Variants in MEGF11 observed in about 807,000 individuals in gnomAD.
MEGF11 encodes multiple EGF like domains 11, also known as multiple epidermal growth factor-like domains protein 11.
In MEGF11, 126 loss-of-function variants were observed where a neutral mutation model predicts 146.6. That is an observed-to-expected ratio of 0.86 (90% CI 0.74 to 1.00). The LOEUF (loss-of-function observed/expected upper bound fraction) is 1.00. MEGF11 is among the 50% of genes least tolerant of loss of function. MEGF11 has a pLI of 0.00. For missense variants in MEGF11, 1,509 were observed against 1,521.2 expected (o/e 0.99, Z 0.13); for synonymous variants, 532 against 583.4 (o/e 0.91, Z 1.27).
chr15:66,172,788 C>G (rs890926133), intron 1 of MEGF11, among the ~76,000 whole-genome samples: 2 of 152,232 alleles, frequency 1.3e-5, no homozygotes, highest in Non-Finnish European at 2.9e-5. Flanking sequence ...TGACCAATAC[C>G]TCTCATTTTA....
chr15:65,984,986 C>G (rs1429178799), intron 5 of MEGF11, among the ~76,000 whole-genome samples: 2 of 152,032 alleles, frequency 1.3e-5, no homozygotes, highest in Non-Finnish European at 2.9e-5. Flanking sequence ...CCGGGTTGGT[C>G]TCAAACTCTT....
intron 5 of MEGF11, among the ~76,000 whole-genome samples, chr15:66,035,853 A>G (rs920358944): frequency 2.0e-5 from 3 of 152,292 alleles, no homozygotes; most frequent in East Asian, 3.9e-4. Context: ...TATATCCACT[A>G]TCAATATATA....
intron 8 of MEGF11, among the ~76,000 whole-genome samples, chr15:65,969,329 G>A (rs1437096517): frequency 2.0e-5 from 3 of 152,304 alleles, no homozygotes; most frequent in Admixed American, 2.0e-4. Flanking sequence ...ATTCCAGTCC[G>A]TACTGGCTCA....
intron 5 of MEGF11, among the ~76,000 whole-genome samples, chr15:66,026,544 C>T (rs528045349): frequency 3.9e-5 from 6 of 152,232 alleles, no homozygotes; most frequent in East Asian, 3.9e-4. Context: ...AGTGCAGTGG[C>T]GCGATCTTGG....
chr15:66,041,911 G>A (rs983553635), intron 5 of MEGF11, among the ~76,000 whole-genome samples: 5 of 152,054 alleles, frequency 3.3e-5, no homozygotes, highest in African/African-American at 9.7e-5. Flanking sequence ...CTAAACCAGG[G>A]TCAGCCTGAG....
In MEGF11 at chr15:66,226,766, C is replaced by T. The variant is rs187163352; in HGVS notation, c.-9+26839G>A. On this transcript the variant is annotated intron_variant, in intron 1 of 25. Coordinates refer to ENST00000395614, the MANE Select transcript of MEGF11 (RefSeq NM_001385028.1). ...CTGGGGGGGCTTGGAACATGTCCTC[C>T]GAGAATAAGGGGTGACTGCTGTATA... Among the ~76,000 whole-genome samples the T allele has an allele frequency of 1.8e-4, 28 of 152,196 alleles. No individual in the cohort carries two copies. In the South Asian group the frequency reaches 2.7e-3, roughly 15 times the overall value.
At chr15:66,200,064 C>G (rs988657574) in intron 1 of MEGF11, among the ~76,000 whole-genome samples, 1 of 152,180 alleles carries the variant, frequency 6.6e-6, no homozygotes, top group Non-Finnish European at 1.5e-5. Context: ...TACGGTATAA[C>G]CTCAACTATG....
chr15:65,938,990 CAGG>C (rs919952519), intron 10 of MEGF11, among the ~76,000 whole-genome samples: 2 of 152,178 alleles, frequency 1.3e-5, no homozygotes, highest in African/African-American at 4.8e-5. Flanking sequence ...TTGCAATGGA[CAGG>C]AGGTTAATGA....
chr15:65,959,861 T>C (rs1370514406), intron 9 of MEGF11, among the ~76,000 whole-genome samples: 1 of 152,234 alleles, frequency 6.6e-6, no homozygotes, highest in East Asian at 1.9e-4. Context: ...GTCACATAGC[T>C]AAGACAGTGA....
chr15:66,193,389 G>A (rs1035768109), intron 1 of MEGF11, among the ~76,000 whole-genome samples: 2 of 152,222 alleles, frequency 1.3e-5, no homozygotes, highest in Admixed American at 6.5e-5. Flanking sequence ...AGTGCCAGAC[G>A]CTGTGTTAAG....
intron 5 of MEGF11, among the ~76,000 whole-genome samples, chr15:66,089,171 C>T (rs2086226443): frequency 6.6e-6 from 1 of 152,178 alleles, no homozygotes; most frequent in South Asian, 2.1e-4. Context: ...TGGGGTCCCA[C>T]ACACCATTCA....
At chr15:66,187,774 A>G (rs767985543) in intron 1 of MEGF11, among the ~76,000 whole-genome samples, 3 of 152,146 alleles carry the variant, frequency 2.0e-5, no homozygotes, top group African/African-American at 4.8e-5. Context: ...CGATTCCAGC[A>G]TCCTTAACGA....
intron 8 of MEGF11, among the ~76,000 whole-genome samples, chr15:65,969,255 G>T (rs1171565850): frequency 1.3e-5 from 2 of 152,218 alleles, no homozygotes; most frequent in African/African-American, 4.8e-5. Flanking sequence ...CAAGCGGGCG[G>T]TTTGCACTCT....
In MEGF11 at chr15:65,913,986, G is replaced by A. The variant is rs2078906800; in HGVS notation, c.2474-13C>T. On this transcript the variant is annotated splice_polypyrimidine_tract_variant and intron_variant, in intron 19 of 25. Coordinates refer to ENST00000395614, the MANE Select transcript of MEGF11 (RefSeq NM_001385028.1). The stretch of plus-strand genomic sequence containing the variant: ...ATCATGAGGGCAGCTGCGGGCAGAG[G>A]GAGGGCCTGAGCCTGGGGCTGGCCT... 6.2e-7 allele frequency: 1 copy of A among 1,610,178 alleles called. No individual in the cohort carries two copies.
chr15:65,965,354 T>C (rs1367005460), intron 8 of MEGF11: 2 of 459,172 alleles, frequency 4.4e-6, no homozygotes, highest in East Asian at 3.4e-5. Flanking sequence ...AGCAATGAGT[T>C]TGTACCACCA....
rs115756311 is a variant in MEGF11, at chr15:65,979,726, T to C, written c.762+1052A>G. 4.2e-3 allele frequency among the ~76,000 whole-genome samples: 638 copies of C among 152,288 alleles called. 11 individuals carry two copies. Among genetic ancestry groups the C allele is most frequent in the African/African-American group, 0.015 (617 of 41,550 alleles). ...CCCAGGGATAGAAATCAAGCTATCA[T>C]AGAGGGCTTCAGAGTTTGCAAAAGA... On this transcript the variant is annotated intron_variant, in intron 7 of 25. Coordinates refer to ENST00000395614, the MANE Select transcript of MEGF11 (RefSeq NM_001385028.1).
At chr15:66,001,640 C>T (rs1042577861) in intron 5 of MEGF11, among the ~76,000 whole-genome samples, 11 of 152,030 alleles carry the variant, frequency 7.2e-5, no homozygotes, top group African/African-American at 2.4e-4. Flanking sequence ...CCCCACCTTT[C>T]TTTCTCTCTC....
At chr15:66,091,378 TC>T (rs34938019) in intron 5 of MEGF11, among the ~76,000 whole-genome samples, 3 of 152,224 alleles carry the variant, frequency 2.0e-5, no homozygotes, top group Admixed American at 6.5e-5. Flanking sequence ...AGCTCACTTT[TC>T]CCTATGAACA....
chr15:66,161,764 T>C (rs2089959897), intron 1 of MEGF11, among the ~76,000 whole-genome samples: 1 of 152,160 alleles, frequency 6.6e-6, no homozygotes, highest in Non-Finnish European at 1.5e-5. Context: ...CTGATTCTTG[T>C]GCTTCTAGGC....
Sources: gnomAD v4.1 joint callset for allele counts (sites outside exome capture counted in the v4.1 genomes callset) on GRCh38, gnomAD v4.1.1 for gene constraint, MANE v1.5 for transcripts, NCBI Gene and HGNC (gene_info 2026-07-23, HGNC 2026-07-21) for gene names.